Variants in PDE7B observed in about 807,000 individuals in gnomAD.
The protein encoded by PDE7B is 3',5'-cyclic-AMP phosphodiesterase 7B.
PDE7B carries 29 observed loss-of-function variants against 56.2 expected under a neutral mutation model. The ratio of observed to expected loss-of-function variants is 0.52; its 90% CI spans 0.38 to 0.70. The LOEUF (loss-of-function observed/expected upper bound fraction) is 0.70. Ranked by LOEUF, PDE7B falls within the 30% of genes least tolerant of loss-of-function variation. The pLI is 0.00. For synonymous variants in PDE7B, 197 were observed against 196.9 expected, an observed-to-expected ratio of 1.00 and a Z score of 0.00; for missense variants, 490 against 565.0, an observed-to-expected ratio of 0.87 and a Z score of 1.35.
intron 1 of PDE7B, among the ~76,000 whole-genome samples, chr6:135,894,136 T>C (rs1319820565): frequency 1.3e-5 from 2 of 152,190 alleles, no homozygotes; most frequent in Non-Finnish European, 2.9e-5. Context: ...TATTTTTAAA[T>C]GTTTCTAGGT....
chr6:136,110,936 T>A (rs1329597451), intron 3 of PDE7B: 1 of 152,102 alleles, frequency 6.6e-6, no homozygotes, highest in Admixed American at 6.6e-5. Flanking sequence ...CCAGCCTCAT[T>A]TCCCTGGCCC....
At chr6:136,151,706 C>T (rs991142292) in intron 6 of PDE7B, among the ~76,000 whole-genome samples, 20 of 60,944 alleles carry the variant, frequency 3.3e-4, no homozygotes, top group African/African-American at 6.2e-4. Context: ...CTTTGGGAGG[C>T]GGGCGTATCA....
At chr6:135,896,594 A>G (rs923521943) in intron 1 of PDE7B, among the ~76,000 whole-genome samples, 3 of 152,148 alleles carry the variant, frequency 2.0e-5, no homozygotes, top group African/African-American at 7.2e-5. Flanking sequence ...TGCAACTTAT[A>G]TTGTTGCAAC....
At chr6:135,876,858 C>CAA (rs527740742) in intron 1 of PDE7B, among the ~76,000 whole-genome samples, 7 of 141,724 alleles carry the variant, frequency 4.9e-5, no homozygotes, top group Non-Finnish European at 9.4e-5. Context: ...GACTCTGTGT[C>CAA]AAAAAAAAAA....
chr6:136,155,586 G>GA lies in PDE7B; in HGVS notation c.580-37dup, dbSNP rs1778589680. ...CCAAAATGATTATGAGCCTATTTGT[G>GA]AAAATACACCAATCAATCTCCCAAT... On this transcript the variant is annotated intron_variant, in intron 7 of 12. Coordinates refer to ENST00000308191, the MANE Select transcript of PDE7B (RefSeq NM_018945.4). 3 of 1,564,500 alleles carry GA rather than the reference G, an allele frequency of 1.9e-6. No individual in the cohort carries two copies. In the East Asian group the frequency reaches 6.7e-5, roughly 35 times the overall value.
rs1779260645 is a variant in PDE7B at position 136,193,387 on chromosome 6, C to T, written c.*1547C>T. ...TATTATTTAAGTAAAGAAAATATTT[C>T]AGTTTTATAACAGACTTTACCTTCC... On this transcript the variant is annotated 3_prime_UTR_variant, in exon 13 of 13. Transcript: ENST00000308191. 1 of 152,470 alleles carries T rather than the reference C, an allele frequency of 6.6e-6. No homozygotes were observed. The highest frequency in any genetic ancestry group is 1.5e-5 in the Non-Finnish European group (1 of 68,020). The allele number at this position is 152,470 out of a possible 1,614,324, so 9.4% of individuals were successfully genotyped here.
intron 1 of PDE7B, among the ~76,000 whole-genome samples, chr6:135,940,830 C>T (rs1774495635): frequency 6.6e-6 from 1 of 152,098 alleles, no homozygotes; most frequent in Non-Finnish European, 1.5e-5. Flanking sequence ...CTCATGCTAC[C>T]CCAGAAAACT....
At chr6:135,909,405 A>C (rs940840600) in intron 1 of PDE7B, among the ~76,000 whole-genome samples, 3 of 152,240 alleles carry the variant, frequency 2.0e-5, no homozygotes, top group Non-Finnish European at 4.4e-5. Flanking sequence ...ACTTGAGGCC[A>C]AGAGTTTGAG....
chr6:136,023,289 C>T (rs533965943), intron 2 of PDE7B, among the ~76,000 whole-genome samples: 3 of 152,274 alleles, frequency 2.0e-5, no homozygotes, highest in Middle Eastern at 6.8e-3. Context: ...TGCAGAAGAT[C>T]CCAGGACGAG....
intron 1 of PDE7B, among the ~76,000 whole-genome samples, chr6:135,860,606 G>A (rs932108203): frequency 2.6e-5 from 4 of 151,832 alleles, no homozygotes; most frequent in Admixed American, 6.6e-5. Flanking sequence ...TCTAGGCCTC[G>A]CTCTGCTTAT....
chr6:135,876,342 A>G (rs1283218829), intron 1 of PDE7B, among the ~76,000 whole-genome samples: 1 of 152,140 alleles, frequency 6.6e-6, no homozygotes, highest in African/African-American at 2.4e-5. Flanking sequence ...CCCCTTTAAG[A>G]GGAGAGCTGA....
At chr6:136,078,054 G>A (rs989891340) in intron 2 of PDE7B, among the ~76,000 whole-genome samples, 1 of 152,168 alleles carries the variant, frequency 6.6e-6, no homozygotes. Context: ...TGTGAGCTGA[G>A]TGTGCCAGGA....
intron 2 of PDE7B, among the ~76,000 whole-genome samples, chr6:136,060,346 C>G (rs1490282928): frequency 2.0e-5 from 3 of 151,996 alleles, no homozygotes; most frequent in Non-Finnish European, 4.4e-5. Context: ...TCTCCTCTGC[C>G]CTTTCTTCTT....
At chr6:135,895,806 G>T (rs1001176926) in intron 1 of PDE7B, among the ~76,000 whole-genome samples, 2 of 152,068 alleles carry the variant, frequency 1.3e-5, no homozygotes, top group Non-Finnish European at 2.9e-5. Context: ...AGGGAAAAAA[G>T]GCAGAAAGGG....
chr6:136,128,539 T>A (rs926962143), intron 3 of PDE7B, among the ~76,000 whole-genome samples: 13 of 152,118 alleles, frequency 8.5e-5, no homozygotes, highest in Non-Finnish European at 1.8e-4. Flanking sequence ...CTGGTTATTT[T>A]GTTGTGAGAA....
At chr6:135,928,487 T>TATATATATA (rs1562442915) in intron 1 of PDE7B, among the ~76,000 whole-genome samples, 1 of 85,538 alleles carries the variant, frequency 1.2e-5, no homozygotes, top group Non-Finnish European at 2.5e-5. Flanking sequence ...ATATATTTAT[T>TATATATATA]TATATATATA....
chr6:135,888,915 A>G (rs1347939740), intron 1 of PDE7B, among the ~76,000 whole-genome samples: 2 of 152,198 alleles, frequency 1.3e-5, no homozygotes, highest in African/African-American at 4.8e-5. Context: ...AAGAAATACT[A>G]TAAATACATC....
intron 2 of PDE7B, among the ~76,000 whole-genome samples, chr6:136,045,532 G>C (rs1316514189): frequency 6.6e-6 from 1 of 152,304 alleles, no homozygotes; most frequent in East Asian, 1.9e-4. Flanking sequence ...ATGCTGAGGG[G>C]TACTCCAGTG....
chr6:136,021,636 C>T (rs997348569), intron 2 of PDE7B, among the ~76,000 whole-genome samples: 28 of 146,886 alleles, frequency 1.9e-4, no homozygotes, highest in African/African-American at 6.9e-4. Context: ...AAGAGCAAAA[C>T]TCTGTCTCAA....
Sources: allele counts gnomAD v4.1 joint callset (sites outside exome capture counted in the v4.1 genomes callset), GRCh38; gene constraint gnomAD v4.1.1; transcripts MANE v1.5; gene names NCBI Gene and HGNC (gene_info 2026-07-23, HGNC 2026-07-21).